Variants in CBFA2T2 observed in about 807,000 individuals in gnomAD.
The protein encoded by CBFA2T2 is protein CBFA2T2.
A neutral mutation model predicts 62.2 loss-of-function variants in CBFA2T2; 11 were observed. The ratio of observed to expected loss-of-function variants is 0.18; its 90% confidence interval spans 0.11 to 0.29. The LOEUF is 0.29. CBFA2T2 is among the 10% of genes least tolerant of loss of function. The pLI is 1.00. For missense variants in CBFA2T2, 592 were observed against 774.1 expected (o/e 0.76, Z 2.79); for synonymous variants, 295 against 287.5 (o/e 1.03, Z -0.27).
chr20:33,591,039 G>A (rs899406299), intron 1 of CBFA2T2, among the ~76,000 whole-genome samples: 2 of 151,498 alleles, frequency 1.3e-5, no homozygotes, highest in Non-Finnish European at 2.9e-5. Flanking sequence ...TTTGCCGGGT[G>A]TGGTGGCAGG....
At chr20:33,537,281 T>C (rs972125305) in intron 1 of CBFA2T2, among the ~76,000 whole-genome samples, 3 of 152,334 alleles carry the variant, frequency 2.0e-5, no homozygotes, top group African/African-American at 7.2e-5. Flanking sequence ...GGTTAGGAGC[T>C]GGAGACCAGC....
At chr20:33,643,716 A>G (rs1391309994) in intron 10 of CBFA2T2, among the ~76,000 whole-genome samples, 1 of 135,138 alleles carries the variant, frequency 7.4e-6, no homozygotes, top group African/African-American at 2.8e-5. Flanking sequence ...CAGGAGTTCA[A>G]GCGTAGCCTG....
At chr20:33,608,754 A>G (rs1197708609) in intron 2 of CBFA2T2, among the ~76,000 whole-genome samples, 1 of 152,198 alleles carries the variant, frequency 6.6e-6, no homozygotes, top group Non-Finnish European at 1.5e-5. Context: ...TTCATTTCAG[A>G]AAATGTGATC....
Position 33,646,457 on chromosome 20 carries a change from C to T in CBFA2T2, c.*1811C>T, listed in dbSNP as rs973686619. ...AAGCACAAGTTTAAATCTCCACCTT[C>T]TGTGCACTGACCAGAGTCTAAAATA... On this transcript the variant is annotated 3_prime_UTR_variant, in exon 11 of 11. Coordinates refer to ENST00000342704, the MANE Select transcript of CBFA2T2 (RefSeq NM_001032999.3). The T allele has an allele frequency of 6.6e-6, 1 of 152,232 alleles. No homozygotes were observed. Among genetic ancestry groups the T allele is most frequent in the African/African-American group, 2.4e-5 (1 of 41,446 alleles). 9.4% of individuals were successfully genotyped at this position (152,232 alleles called of 1,614,324 possible). A position where few individuals can be genotyped will look rare whatever the true frequency, so the allele number is the denominator to read the frequency against.
At chr20:33,627,512 G>GTA (rs1428275828) in intron 6 of CBFA2T2, among the ~76,000 whole-genome samples, 1 of 152,142 alleles carries the variant, frequency 6.6e-6, no homozygotes, top group Non-Finnish European at 1.5e-5. Context: ...TGAGAAAGAA[G>GTA]TATGCTAAAA....
chr20:33,608,048 G>T (rs2015400777), intron 2 of CBFA2T2, among the ~76,000 whole-genome samples: 1 of 152,228 alleles, frequency 6.6e-6, no homozygotes, highest in Non-Finnish European at 1.5e-5. Flanking sequence ...TGGTTGGAGT[G>T]TAATTTAGTA....
In CBFA2T2 at chr20:33,606,896, G is replaced by C; in HGVS notation, c.35-60G>C. On this transcript the variant is annotated intron_variant, in intron 1 of 10. Transcript: ENST00000342704. Reference sequence around the variant, plus strand: ...GGGAAGTATGTTGGTATTTCAAATTGTTGTCTGTTTTTGCAAACTTTTAGA... The same window carrying C: ...GGGAAGTATGTTGGTATTTCAAATTCTTGTCTGTTTTTGCAAACTTTTAGA... 2.4e-5 allele frequency: 37 copies of C among 1,549,030 alleles called. 1 individual carries two copies. In the South Asian group the frequency reaches 4.3e-4, roughly 18 times the overall value.
intron 1 of CBFA2T2, among the ~76,000 whole-genome samples, chr20:33,584,322 G>A (rs2014265496): frequency 6.7e-6 from 1 of 149,072 alleles, no homozygotes; most frequent in African/African-American, 2.5e-5. Context: ...CTGGAATACA[G>A]TGATGCGATC....
At chr20:33,605,291 T>C (rs2015297320) in intron 1 of CBFA2T2, among the ~76,000 whole-genome samples, 2 of 152,236 alleles carry the variant, frequency 1.3e-5, no homozygotes, top group South Asian at 4.1e-4. Context: ...GGACTTTACC[T>C]TCTTATTTGA....
intron 1 of CBFA2T2, chr20:33,574,077 C>G (rs1164714138): frequency 1.3e-6 from 2 of 1,501,230 alleles, no homozygotes; most frequent in Non-Finnish European, 1.8e-6. Flanking sequence ...GCAAGAGCCA[C>G]CATACCAGTT....
At position 33,611,200 on chromosome 20, in the gene CBFA2T2, TCAG is replaced by T; in HGVS notation, c.288_290del (p.Gln97del). 3 of 1,614,166 alleles carry T rather than the reference TCAG, an allele frequency of 1.9e-6. No homozygotes were observed. Among genetic ancestry groups the T allele is most frequent in the Non-Finnish European group, 2.5e-6 (3 of 1,180,032 alleles). ...CCTCCACATCATCTGCACTCACAAA[TCAG>T]CAATTGCCAGCCACTTGTGGTGCTC... On this transcript the variant is annotated inframe_deletion, in exon 3 of 11. Coordinates refer to ENST00000342704, the MANE Select transcript of CBFA2T2 (RefSeq NM_001032999.3).
chr20:33,603,335 C>T (rs1258340260), intron 1 of CBFA2T2, among the ~76,000 whole-genome samples: 1 of 152,156 alleles, frequency 6.6e-6, no homozygotes, highest in African/African-American at 2.4e-5. Flanking sequence ...GCAAATTGCA[C>T]ACAGTGAAGA....
chr20:33,529,743 T>TTTTATATATATATATA (rs1163402861), intron 1 of CBFA2T2, among the ~76,000 whole-genome samples: 15 of 4,028 alleles, frequency 3.7e-3, no homozygotes, highest in African/African-American at 4.2e-3. Flanking sequence ...AAGAAAGCAG[T>TTTTATATATATATATA]TATATATATA....
intron 1 of CBFA2T2, among the ~76,000 whole-genome samples, chr20:33,527,416 G>A (rs1018468609): frequency 2.0e-4 from 29 of 147,698 alleles, no homozygotes; most frequent in African/African-American, 7.1e-4. Context: ...TCTGTCGCCC[G>A]GGTTGGAGTG....
chr20:33,567,972 G>T lies in CBFA2T2; in HGVS notation c.35-38984G>T, dbSNP rs377101600. On this transcript the variant is annotated intron_variant, in intron 1 of 10. Coordinates refer to ENST00000342704, the MANE Select transcript of CBFA2T2 (RefSeq NM_001032999.3). ...GTACTGTCTGGGGTTTCAGGCATCC[G>T]CTGGGGGTCTTGGAACGCATCTCCT... Among the ~76,000 whole-genome samples the T allele has an allele frequency of 1.7e-4, 26 of 152,274 alleles. 1 individual carries two copies. The South Asian group carries it at 5.4e-3, about 32-fold the overall frequency.
intron 5 of CBFA2T2, chr20:33,623,946 A>G (rs548974793): frequency 5.6e-5 from 32 of 572,206 alleles, no homozygotes; most frequent in Non-Finnish European, 3.2e-6. Flanking sequence ...TGTTTGTAGA[A>G]AGAATTGGAA....
chr20:33,519,740 C>T (rs945787511), intron 1 of CBFA2T2, among the ~76,000 whole-genome samples: 1 of 152,120 alleles, frequency 6.6e-6, no homozygotes, highest in Non-Finnish European at 1.5e-5. Flanking sequence ...GTCCAGGAAT[C>T]TTCATTTTCA....
intron 8 of CBFA2T2, 45 bp from the exon 9 acceptor site, chr20:33,636,595 T>A (rs1474985939): frequency 2.1e-6 from 3 of 1,417,738 alleles, no homozygotes. Flanking sequence ...AAACTGCTGA[T>A]CATAGACAGC....
At chr20:33,524,830 C>A (rs537451175) in intron 1 of CBFA2T2, among the ~76,000 whole-genome samples, 1 of 152,190 alleles carries the variant, frequency 6.6e-6, no homozygotes, top group South Asian at 2.1e-4. Context: ...GAAAATGTGA[C>A]AAATAGCTTT....
Sources: gnomAD v4.1 joint callset for allele counts (sites outside exome capture counted in the v4.1 genomes callset) on GRCh38, gnomAD v4.1.1 for gene constraint, MANE v1.5 for transcripts, NCBI Gene and HGNC (gene_info 2026-07-23, HGNC 2026-07-21) for gene names.